Variants in VPS50 observed in about 807,000 individuals in gnomAD.
The protein encoded by VPS50 is syndetin.
VPS50 carries 70 observed loss-of-function variants against 139.7 expected under a neutral mutation model. That is an observed-to-expected ratio of 0.50 (90% CI 0.41 to 0.61). The LOEUF (loss-of-function observed/expected upper bound fraction) is 0.61, where lower values mean the gene tolerates loss of function less well. Ranked by LOEUF, VPS50 falls within the 20% of genes least tolerant of loss-of-function variation. The pLI, the probability that VPS50 is intolerant of heterozygous loss-of-function variation, is 0.00. For missense variants in VPS50, 921 were observed against 1,133.7 expected (o/e 0.81, Z 2.69); for synonymous variants, 365 against 376.7 (o/e 0.97, Z 0.36).
At position 93,255,108 on chromosome 7, in the gene VPS50, G is replaced by A. The variant is rs1315167851; in HGVS notation, c.297+1177G>A. 1.3e-5 allele frequency among the ~76,000 whole-genome samples: 2 copies of A among 151,922 alleles called. 1 individual carries two copies. The highest frequency in any genetic ancestry group is 1.3e-4 in the Admixed American group (2 of 15,242). On this transcript the variant is annotated intron_variant, in intron 4 of 27. Coordinates refer to ENST00000305866, the MANE Select transcript of VPS50 (RefSeq NM_017667.4). ...GACTGGCAGGGGTGGGGTAGGGATG[G>A]TTTCAGAATGATTCAAGTGCATTTC...
At chr7:93,267,496 A>G (rs1795875448) in intron 9 of VPS50, among the ~76,000 whole-genome samples, 1 of 152,158 alleles carries the variant, frequency 6.6e-6, no homozygotes, top group Non-Finnish European at 1.5e-5. Context: ...GACTTAGAAT[A>G]TTTATTACCT....
At chr7:93,268,677 A>G (rs746882385) in intron 9 of VPS50, among the ~76,000 whole-genome samples, 1 of 152,106 alleles carries the variant, frequency 6.6e-6, no homozygotes, top group Non-Finnish European at 1.5e-5. Flanking sequence ...TTATGACTGC[A>G]TAGTATCCAA....
At chr7:93,323,893 G>C (rs936534570) in intron 21 of VPS50, among the ~76,000 whole-genome samples, 161 bp downstream of exon 21, 16 of 152,028 alleles carry the variant, frequency 1.1e-4, no homozygotes, top group African/African-American at 3.9e-4. Context: ...CTGCCTTATT[G>C]CCTTACTTTT....
In VPS50 at chr7:93,341,622, T is replaced by C. The variant is rs772831728; in HGVS notation, c.2207+47T>C. 9 of 1,363,542 alleles carry C rather than the reference T, an allele frequency of 6.6e-6. No homozygotes were observed. In the African/African-American group the frequency reaches 1.3e-4, roughly 20 times the overall value. The allele number at this position is 1,363,542 out of a possible 1,614,324, so 84.5% of individuals were successfully genotyped here. ...CGTTGCCATTAAATATTTAAGAAAC[T>C]TTATAAAAGAAGCATTGTTTAATTA... is the stretch of plus-strand genomic sequence containing the variant. On this transcript the variant is annotated intron_variant, in intron 23 of 27. Transcript: ENST00000305866.
chr7:93,332,302 G>A (rs1797962812), intron 21 of VPS50, among the ~76,000 whole-genome samples: 1 of 152,204 alleles, frequency 6.6e-6, no homozygotes, highest in African/African-American at 2.4e-5. Flanking sequence ...GAAGGAGATA[G>A]TAAGCTCTCT....
chr7:93,232,582 G>A, intron 1 of VPS50, 82 bp downstream of exon 1: 2 of 1,261,558 alleles, frequency 1.6e-6, no homozygotes, highest in Non-Finnish European at 2.3e-6. Context: ...AACCAGTGGC[G>A]GGCGGGGATC....
At chr7:93,260,470 TGTTGATTGCTA>T (rs1795630707) in intron 9 of VPS50, among the ~76,000 whole-genome samples, 1 of 152,170 alleles carries the variant, frequency 6.6e-6, no homozygotes, top group Non-Finnish European at 1.5e-5. Context: ...TTGTTGTAGA[TGTTGATTGCTA>T]GTACCTGAAA....
intron 10 of VPS50, 76 bp downstream of exon 10, chr7:93,271,338 GT>G: frequency 7.0e-7 from 1 of 1,424,844 alleles, no homozygotes; most frequent in Non-Finnish European, 9.2e-7. Context: ...GCAACATTGT[GT>G]TTTGGCTTTT....
At chr7:93,308,701 C>A in intron 18 of VPS50, 123 bp from the exon 19 acceptor site, 1 of 447,856 alleles carries the variant, frequency 2.2e-6, no homozygotes, top group Non-Finnish European at 4.1e-6. Flanking sequence ...AACATTAAAG[C>A]TAAATTAAGA....
chr7:93,254,246 C>T (rs1184722450), intron 4 of VPS50, among the ~76,000 whole-genome samples: 1 of 152,134 alleles, frequency 6.6e-6, no homozygotes, highest in South Asian at 2.1e-4. Context: ...GTATGATTTC[C>T]CTACCCATAG....
intron 12 of VPS50, among the ~76,000 whole-genome samples, chr7:93,276,604 A>G (rs1160707749): frequency 1.3e-5 from 2 of 152,192 alleles, no homozygotes; most frequent in Non-Finnish European, 1.5e-5. Flanking sequence ...GAATGCATCC[A>G]GTAGGCTTCT....
At chr7:93,294,074 A>G (rs117749428) in intron 13 of VPS50, among the ~76,000 whole-genome samples, 1 of 152,354 alleles carries the variant, frequency 6.6e-6, no homozygotes, top group East Asian at 1.9e-4. Flanking sequence ...TAAATTATTT[A>G]TCTGGAGTGG....
intron 12 of VPS50, among the ~76,000 whole-genome samples, chr7:93,289,033 G>T (rs1330288841): frequency 1.3e-5 from 2 of 152,044 alleles, no homozygotes; most frequent in African/African-American, 4.8e-5. Flanking sequence ...GTAAGGTGGG[G>T]CTGAAGTCAT....
At chr7:93,336,313 C>G (rs1798069312) in intron 22 of VPS50, among the ~76,000 whole-genome samples, 1 of 152,072 alleles carries the variant, frequency 6.6e-6, no homozygotes, top group East Asian at 1.9e-4. Flanking sequence ...AAAAGTGCCA[C>G]CCGAAATAAT....
At chr7:93,344,196 C>T (rs1435233146) in intron 23 of VPS50, among the ~76,000 whole-genome samples, 3 of 152,116 alleles carry the variant, frequency 2.0e-5, no homozygotes, top group Admixed American at 6.5e-5. Context: ...TCTGATAAAA[C>T]AGACTTTAAA....
At chr7:93,333,655 T>C (rs1417442152) in intron 21 of VPS50, among the ~76,000 whole-genome samples, 2 of 152,220 alleles carry the variant, frequency 1.3e-5, no homozygotes, top group African/African-American at 4.8e-5. Context: ...CTAAGCCTAA[T>C]AGAAAATCGT....
intron 23 of VPS50, 138 bp downstream of exon 23, chr7:93,341,713 T>G: frequency 1.9e-6 from 1 of 529,640 alleles, no homozygotes; most frequent in Non-Finnish European, 3.3e-6. Flanking sequence ...GAGAAGTATA[T>G]TCTAACACAG....
rs147815677 is a variant in VPS50, at chr7:93,308,229, T to A, written c.1630-595T>A. On this transcript the variant is annotated intron_variant, in intron 18 of 27. Transcript: ENST00000305866. ...TTCCCATGCTGGCATTGGGCCATGG[T>A]GCCATAAAGATGATGAAAATGTTAG... 9.2e-4 allele frequency among the ~76,000 whole-genome samples: 140 copies of A among 151,930 alleles called. 1 individual carries two copies. The highest frequency in any genetic ancestry group is 3.2e-3 in the African/African-American group (134 of 41,504).
At chr7:93,278,520 C>T (rs1448285060) in intron 12 of VPS50, among the ~76,000 whole-genome samples, 1 of 146,134 alleles carries the variant, frequency 6.8e-6, no homozygotes, top group Non-Finnish European at 1.5e-5. Context: ...TTGCTTGAAC[C>T]AGGGAGGTGG....
Sources: allele counts gnomAD v4.1 joint callset (sites outside exome capture counted in the v4.1 genomes callset), GRCh38; gene constraint gnomAD v4.1.1; transcripts MANE v1.5; gene names NCBI Gene and HGNC (gene_info 2026-07-23, HGNC 2026-07-21).